APTX: variants seen among roughly 807,000 people sequenced by gnomAD.
APTX encodes aprataxin.
Under a neutral mutation model 42.3 loss-of-function variants are expected in APTX, and 33 were observed. The ratio of observed to expected loss-of-function variants is 0.78; its 90% CI spans 0.59 to 1.04. The LOEUF (loss-of-function observed/expected upper bound fraction) is 1.04. Among genes scored for constraint, APTX ranks in the 50% least tolerant of loss-of-function variants. The pLI, the probability that APTX is intolerant of heterozygous loss-of-function variation, is 0.00. For synonymous variants in APTX, 130 were observed against 146.7 expected, an observed-to-expected ratio of 0.89 and a Z score of 0.82; for missense variants, 421 against 415.1, an observed-to-expected ratio of 1.01 and a Z score of -0.12.
At chr9:33,002,332 T>C (rs2119162741), upstream of APTX, among the ~76,000 whole-genome samples, 1 of 152,306 alleles carries the variant, frequency 6.6e-6, no homozygotes, top group South Asian at 2.1e-4. Context: ...GGTTTCTGAA[T>C]TTTCTGCTAG....
chr9:33,016,950 CTG>C (rs1190528175), intron 1 of APTX, among the ~76,000 whole-genome samples: 2 of 152,230 alleles, frequency 1.3e-5, no homozygotes, highest in Non-Finnish European at 2.9e-5. Flanking sequence ...AGTACCAACT[CTG>C]TACCAGGCAG....
intron 1 of APTX, among the ~76,000 whole-genome samples, chr9:32,995,748 C>G (rs1041611282): frequency 6.6e-6 from 1 of 151,928 alleles, no homozygotes; most frequent in Non-Finnish European, 1.5e-5. Context: ...ATTAGCCGGG[C>G]GTGGTGGCGG....
At chr9:33,008,797 C>T (rs2119213161) in intron 1 of APTX, among the ~76,000 whole-genome samples, 1 of 152,260 alleles carries the variant, frequency 6.6e-6, no homozygotes, top group East Asian at 1.9e-4. Context: ...GGTGACCCAC[C>T]CGCCTCTACC....
upstream of APTX, among the ~76,000 whole-genome samples, chr9:33,002,140 G>C (rs1292742625): frequency 6.6e-6 from 1 of 152,142 alleles, no homozygotes; most frequent in Non-Finnish European, 1.5e-5. Context: ...AAAAAAGCAA[G>C]ATGCAGGGAT....
chr9:33,001,437 C>CCGTGAGAGCAGCG, intron 1 of APTX, 130 bp downstream of exon 1: 1 of 1,554,958 alleles, frequency 6.4e-7, no homozygotes. Flanking sequence ...GAGAAAGCAG[C>CCGTGAGAGCAGCG]CGTGAGAGCA....
At chr9:32,988,481 C>T (rs1055070692) in intron 2 of APTX, among the ~76,000 whole-genome samples, 1 of 152,030 alleles carries the variant, frequency 6.6e-6, no homozygotes, top group Non-Finnish European at 1.5e-5. Context: ...CCTGTTTCTC[C>T]CAGCCTGGGC....
Position 32,985,955 on chromosome 9 carries a change from A to G in APTX, c.543+16T>C. ...ACAACATGAAATGTACTGAAATTCC[A>G]AAATTGTATTCTGACCTGCATTTTG... is the stretch of plus-strand genomic sequence containing the variant. On this transcript the variant is annotated intron_variant, in intron 5 of 7. Coordinates refer to ENST00000379817, the MANE Select transcript of APTX (RefSeq NM_001195248.2). 1 of 1,610,262 alleles carries G rather than the reference A, an allele frequency of 6.2e-7. No individual in the cohort carries two copies. Among genetic ancestry groups the G allele is most frequent in the South Asian group, 1.1e-5 (1 of 90,900 alleles).
intron 1 of APTX, among the ~76,000 whole-genome samples, chr9:33,019,044 A>G (rs1763065941): frequency 6.6e-6 from 1 of 152,224 alleles, no homozygotes; most frequent in Non-Finnish European, 1.5e-5. Flanking sequence ...AAAGAAACCC[A>G]AATAAAGAAC....
chr9:33,022,280 T>A (rs1838447902), intron 1 of APTX, among the ~76,000 whole-genome samples: 1 of 152,288 alleles, frequency 6.6e-6, no homozygotes, highest in Admixed American at 6.5e-5. Flanking sequence ...TAAAATAATA[T>A]GAACAGTTGA....
chr9:32,974,333 T>C (rs1414548678), intron 7 of APTX, 125 bp downstream of exon 7: 8 of 704,862 alleles, frequency 1.1e-5, no homozygotes, highest in Non-Finnish European at 1.8e-5. Flanking sequence ...GGGCTCGCTT[T>C]ATAGGGAACA....
chr9:33,006,460 T>C (rs1477895682), upstream of APTX, among the ~76,000 whole-genome samples: 1 of 152,074 alleles, frequency 6.6e-6, no homozygotes, highest in Non-Finnish European at 1.5e-5. Flanking sequence ...TTCTTTAAGA[T>C]TTTGAGACTC....
chr9:32,988,682 G>C (rs1379701399), intron 2 of APTX, among the ~76,000 whole-genome samples: 1 of 26,502 alleles, frequency 3.8e-5, no homozygotes, highest in East Asian at 9.0e-4. Flanking sequence ...CCCTATCTCA[G>C]GAGGAAAAAA....
At chr9:33,018,930 A>T (rs190122909) in intron 1 of APTX, among the ~76,000 whole-genome samples, 1 of 152,320 alleles carries the variant, frequency 6.6e-6, no homozygotes, top group Non-Finnish European at 1.5e-5. Context: ...AAAAATAAGT[A>T]AAGTCTGAGA....
chr9:32,998,664 G>A (rs1489885277), intron 1 of APTX, among the ~76,000 whole-genome samples: 1 of 151,868 alleles, frequency 6.6e-6, no homozygotes, highest in Non-Finnish European at 1.5e-5. Flanking sequence ...AGTGGGAGTT[G>A]AACAATGAGA....
chr9:33,001,939 G>A (rs1281615247), upstream of APTX, among the ~76,000 whole-genome samples: 1 of 152,212 alleles, frequency 6.6e-6, no homozygotes, highest in Non-Finnish European at 1.5e-5. Flanking sequence ...TACTCCATAA[G>A]GAGACGTTCA....
chr9:33,023,730 C>G (rs1838598105), intron 1 of APTX, among the ~76,000 whole-genome samples: 2 of 152,226 alleles, frequency 1.3e-5, no homozygotes, highest in Admixed American at 6.5e-5. Flanking sequence ...GCGGATAGTT[C>G]TGTGACTGGA....
At chr9:32,991,298 C>T (rs1833569631) in intron 1 of APTX, among the ~76,000 whole-genome samples, 1 of 152,130 alleles carries the variant, frequency 6.6e-6, no homozygotes, top group Non-Finnish European at 1.5e-5. Context: ...AATGGAAGTG[C>T]TGATATTCTT....
At chr9:32,987,258 T>C (rs960182014) in intron 4 of APTX, among the ~76,000 whole-genome samples, 8 of 152,252 alleles carry the variant, frequency 5.3e-5, no homozygotes, top group African/African-American at 1.9e-4. Flanking sequence ...ACATGATCTA[T>C]GAAAACCTTC....
chr9:33,018,234 C>T (rs1406608920), intron 1 of APTX, among the ~76,000 whole-genome samples: 1 of 151,254 alleles, frequency 6.6e-6, no homozygotes, highest in East Asian at 2.0e-4. Context: ...CCTCAGCCTC[C>T]CGAGTAGCTG....
Sources: allele counts gnomAD v4.1 joint callset (sites outside exome capture counted in the v4.1 genomes callset), GRCh38; gene constraint gnomAD v4.1.1; transcripts MANE v1.5; gene names NCBI Gene and HGNC (gene_info 2026-07-23, HGNC 2026-07-21).